Variants in ERICH1 observed in about 807,000 individuals in gnomAD.
The protein encoded by ERICH1 is glutamate rich 1.
A neutral mutation model predicts 39.6 loss-of-function variants in ERICH1; 56 were observed. That is an observed-to-expected ratio of 1.41 (90% CI 1.14 to 1.77). The LOEUF (loss-of-function observed/expected upper bound fraction) is 1.77, where lower values mean the gene tolerates loss of function less well. Among genes scored for constraint, ERICH1 ranks in the 40% most tolerant of loss-of-function variants. ERICH1 has a pLI of 0.00. For synonymous variants in ERICH1, 313 were observed against 223.6 expected (o/e 1.40, Z -3.57); for missense variants, 826 against 575.4 (o/e 1.44, Z -4.45).
At position 638,844 on chromosome 8, in the gene ERICH1, T is replaced by C. The variant is rs541034969; in HGVS notation, c.977-23560A>G. 2.5e-3 allele frequency among the ~76,000 whole-genome samples: 380 copies of C among 152,154 alleles called. 1 individual carries two copies. Among genetic ancestry groups the C allele is most frequent in the African/African-American group, 8.6e-3 (358 of 41,540 alleles). The stretch of plus-strand genomic sequence containing the variant: ...GTCATCGAGAGCAAGGCCACGGCAG[T>C]CACCCGCTGCCCTTGTGCGCAATCG... On this transcript the variant is annotated intron_variant, in intron 3 of 3. Transcript: ENST00000522706.
chr8:711,315 C>G (rs964057804), intron 2 of ERICH1, among the ~76,000 whole-genome samples: 3 of 152,078 alleles, frequency 2.0e-5, no homozygotes, highest in African/African-American at 7.2e-5. Flanking sequence ...TCGCAGAGCA[C>G]AAGATTTTAA....
rs1413681665 is a variant in ERICH1, at chr8:673,908, C to T, written c.444G>A (p.Gln148=). The change falls in exon 4 of 6, where the codon CAG becomes CAA. Residue 148 remains glutamine (Q), a synonymous_variant. Coordinates refer to ENST00000262109, the MANE Select transcript of ERICH1 (RefSeq NM_207332.3). ...KQQSLLQEKS[Q]RQHTDGTTIS... is the part of the protein sequence containing the mutation. ...TTGTGGTGCCATCTGTGTGCTGTCG[C>T]TGAGATTTCTCCTGTAACAGACTCT... 2 of 1,613,492 alleles carry T rather than the reference C, an allele frequency of 1.2e-6. No individual in the cohort carries two copies. The highest frequency in any genetic ancestry group is 4.5e-5 in the East Asian group (2 of 44,890).
At chr8:701,032 C>G (rs1811991344) in intron 2 of ERICH1, among the ~76,000 whole-genome samples, 1 of 152,238 alleles carries the variant, frequency 6.6e-6, no homozygotes, top group Admixed American at 6.5e-5. Context: ...GAATTGTCCC[C>G]AAATCATCCA....
chr8:711,621 C>A (rs1185789077), intron 2 of ERICH1, among the ~76,000 whole-genome samples: 1 of 152,038 alleles, frequency 6.6e-6, no homozygotes, highest in African/African-American at 2.4e-5. Flanking sequence ...CCTCAGCCTA[C>A]CGAGTGGCTG....
intron 3 of ERICH1, chr8:627,382 A>G: frequency 2.8e-6 from 1 of 361,946 alleles, no homozygotes; most frequent in Admixed American, 3.4e-5. Context: ...CCTCACTGAG[A>G]GCCTCGACTT....
At chr8:632,478 G>A (rs1028895763) in intron 3 of ERICH1, among the ~76,000 whole-genome samples, 1 of 152,188 alleles carries the variant, frequency 6.6e-6, no homozygotes, top group Non-Finnish European at 1.5e-5. Context: ...AAAATTCAAT[G>A]TTTTTTATTT....
intron 2 of ERICH1, among the ~76,000 whole-genome samples, chr8:700,965 G>C (rs1268798647): frequency 6.6e-6 from 1 of 152,278 alleles, no homozygotes; most frequent in Non-Finnish European, 1.5e-5. Flanking sequence ...CAGAGGAAAA[G>C]CAGCCGAGAG....
rs1563155242 is a variant in ERICH1 at position 615,234 on chromosome 8, CCT to C, written c.1025_1026del (p.Glu342GlyfsTer31). On this transcript the variant is annotated frameshift_variant, in exon 4 of 4. Coordinates refer to the ERICH1 transcript ENST00000522706. LOFTEE classifies it high-confidence loss of function. ...AGCACCACAGCTGGTTAAGGCAGCC[CCT>C]CTCTCTTTCCTCTTCTTATTTTCTT... The C allele has an allele frequency of 1.4e-6, 1 of 695,644 alleles. No homozygotes were observed. The highest frequency in any genetic ancestry group is 2.6e-6 in the Non-Finnish European group (1 of 382,640). The allele number at this position is 695,644 out of a possible 1,614,324, so 43.1% of individuals were successfully genotyped here.
At chr8:720,680 G>A (rs182835449) in intron 1 of ERICH1, among the ~76,000 whole-genome samples, 10 of 152,220 alleles carry the variant, frequency 6.6e-5, no homozygotes, top group Admixed American at 2.6e-4. Context: ...ACTTGAGCAC[G>A]GTCGTCAAAA....
At chr8:660,782 C>T (rs184410892), downstream of ERICH1, among the ~76,000 whole-genome samples, 384 of 152,308 alleles carry the variant, frequency 2.5e-3, 1 homozygote, top group Non-Finnish European at 4.7e-3. Flanking sequence ...CTCAGGACAG[C>T]GCTAAGATCC....
chr8:625,135 C>G (rs144737871), intron 3 of ERICH1, among the ~76,000 whole-genome samples: 1 of 152,156 alleles, frequency 6.6e-6, no homozygotes, highest in African/African-American at 2.4e-5. Flanking sequence ...CCTCCAACAT[C>G]GGAGATTACA....
At chr8:644,547 T>A (rs1799377005) in intron 3 of ERICH1, among the ~76,000 whole-genome samples, 1 of 68,904 alleles carries the variant, frequency 1.5e-5, no homozygotes, top group Non-Finnish European at 4.6e-5. Context: ...ATTTTGTTTC[T>A]AATGAGAACG....
intron 3 of ERICH1, among the ~76,000 whole-genome samples, chr8:641,654 C>A (rs1286627952): frequency 6.6e-6 from 1 of 152,208 alleles, no homozygotes; most frequent in Non-Finnish European, 1.5e-5. Context: ...GTGATCTAAT[C>A]AGTGGAGAAC....
At chr8:672,227 G>C (rs943377473) in intron 4 of ERICH1, 2 of 152,268 alleles carry the variant, frequency 1.3e-5, no homozygotes, top group African/African-American at 4.8e-5. Context: ...ACACAGAATA[G>C]AAAGTTTACT....
At position 731,157 on chromosome 8, in the gene ERICH1, G is replaced by C. The variant is rs749047568; in HGVS notation, c.5C>G (p.Ala2Gly). 33 of 1,513,446 alleles carry C rather than the reference G, an allele frequency of 2.2e-5. No homozygotes were observed. The highest frequency in any genetic ancestry group is 2.9e-5 in the Non-Finnish European group (33 of 1,133,196). The allele number at this position is 1,513,446 out of a possible 1,614,324, so 93.8% of individuals were successfully genotyped here. M[A>G]AHRKHVFVEK... Reference sequence around the variant, plus strand: ...CCACCTACCGTGCTTCCTGTGCGCCGCCATGCGGGACCCTGCCGCGGACCT... The same window carrying C: ...CCACCTACCGTGCTTCCTGTGCGCCCCCATGCGGGACCCTGCCGCGGACCT... The change falls in exon 1 of 6, where the codon GCG becomes GGG. Residue 2 changes from alanine (A) to glycine (G), a missense_variant. Coordinates refer to ENST00000262109, the MANE Select transcript of ERICH1 (RefSeq NM_207332.3).
In ERICH1 at chr8:693,947, C is replaced by T. The variant is rs1398012097; in HGVS notation, c.170-1335G>A. On this transcript the variant is annotated intron_variant, in intron 2 of 5. Transcript: ENST00000262109. ...CTGGAAGGTAGCAGGGCCACTTCCT[C>T]TCAAACTGTCCGACACTGGGCAGCC... 2.0e-5 allele frequency among the ~76,000 whole-genome samples: 3 copies of T among 152,180 alleles called. No homozygotes were observed. The East Asian group carries it at 5.8e-4, about 29-fold the overall frequency.
chr8:662,950 GCTCCT>G (rs1801650235), downstream of ERICH1, among the ~76,000 whole-genome samples: 2 of 152,210 alleles, frequency 1.3e-5, no homozygotes, highest in Admixed American at 1.3e-4. Flanking sequence ...GGCGCCTGCA[GCTCCT>G]GCCTCATGTG....
At chr8:651,131 C>G (rs1799894344) in intron 3 of ERICH1, among the ~76,000 whole-genome samples, 2 of 152,206 alleles carry the variant, frequency 1.3e-5, no homozygotes, top group South Asian at 2.1e-4. Context: ...AACATTGATA[C>G]TGCATTTCAG....
At chr8:706,649 C>T (rs1348057284) in intron 2 of ERICH1, among the ~76,000 whole-genome samples, 1 of 152,078 alleles carries the variant, frequency 6.6e-6, no homozygotes, top group Non-Finnish European at 1.5e-5. Context: ...CGTGGTGGCA[C>T]ACGCATGTAA....
Sources: allele counts gnomAD v4.1 joint callset (sites outside exome capture counted in the v4.1 genomes callset), GRCh38; gene constraint gnomAD v4.1.1; transcripts MANE v1.5; gene names NCBI Gene and HGNC (gene_info 2026-07-23, HGNC 2026-07-21).